Variants in SLC35D2 observed in about 807,000 individuals in gnomAD.
SLC35D2 encodes the protein nucleotide sugar transporter SLC35D2.
Under a neutral mutation model 41.8 loss-of-function variants are expected in SLC35D2, and 43 were observed. The ratio of observed to expected loss-of-function variants is 1.03; its 90% CI spans 0.81 to 1.33. SLC35D2 has a LOEUF of 1.33. Ranked by LOEUF, SLC35D2 falls within the 40% of genes most tolerant of loss-of-function variation. The probability of loss-of-function intolerance (pLI) is 0.00; values close to 1 mark genes in which losing one functional copy is unlikely to be tolerated. For synonymous variants in SLC35D2, 150 were observed against 163.9 expected (o/e 0.92, Z 0.65); for missense variants, 380 against 408.4 (o/e 0.93, Z 0.60).
At position 96,383,687 on chromosome 9, in the gene SLC35D2, C is replaced by A. The variant is rs1265075959; in HGVS notation, c.-53G>T. 4.0e-5 allele frequency: 39 copies of A among 977,330 alleles called. 1 individual carries two copies. The highest frequency in any genetic ancestry group is 1.8e-5 in the Non-Finnish European group (15 of 820,818). 60.5% of individuals were successfully genotyped at this position (977,330 alleles called of 1,614,324 possible). A position where few individuals can be genotyped will look rare whatever the true frequency, so the allele number is the denominator to read the frequency against. ...CCGCCAGCCCCGGCTGCGCACTGGT[C>A]CCGCCCGGCCGGGCCGGGGAAGAGG... is the stretch of plus-strand genomic sequence containing the variant. On this transcript the variant is annotated 5_prime_UTR_variant, in exon 1 of 12. Transcript: ENST00000253270.
At chr9:96,349,128 G>A (rs1360299110) in intron 6 of SLC35D2, among the ~76,000 whole-genome samples, 1 of 152,128 alleles carries the variant, frequency 6.6e-6, no homozygotes, top group Non-Finnish European at 1.5e-5. Flanking sequence ...TGCTGAAGAG[G>A]CTTTTCTTGG....
chr9:96,346,085 G>C (rs1214165110), intron 6 of SLC35D2, among the ~76,000 whole-genome samples: 1 of 152,172 alleles, frequency 6.6e-6, no homozygotes, highest in Non-Finnish European at 1.5e-5. Flanking sequence ...GACAGTGCTA[G>C]GCCATGTCAT....
intron 1 of SLC35D2, among the ~76,000 whole-genome samples, chr9:96,370,889 C>G (rs1233901136): frequency 6.6e-6 from 1 of 152,006 alleles, no homozygotes; most frequent in East Asian, 1.9e-4. Context: ...GCATGCAGAC[C>G]TAAGGAAACC....
chr9:96,380,164 T>G (rs188198823), intron 1 of SLC35D2, among the ~76,000 whole-genome samples: 3 of 152,304 alleles, frequency 2.0e-5, no homozygotes, highest in African/African-American at 4.8e-5. Flanking sequence ...CCCAGAGTGC[T>G]GGGAGTATAG....
rs199644467 is a variant in SLC35D2 at position 96,321,391 on chromosome 9, G to T, written c.915-50C>A. On this transcript the variant is annotated intron_variant, in intron 11 of 11. Transcript: ENST00000253270. ...ATAAATGACTGGGAATTTCACAGGG[G>T]CTCCAGCAGCAGTTGCTGGCGTTTT... 2.3e-5 allele frequency: 31 copies of T among 1,344,958 alleles called. No individual in the cohort carries two copies. In the Admixed American group the frequency reaches 5.2e-4, roughly 23 times the overall value. The allele number at this position is 1,344,958 out of a possible 1,614,324, so 83.3% of individuals were successfully genotyped here.
chr9:96,331,813 C>G (rs1391108659), intron 9 of SLC35D2, among the ~76,000 whole-genome samples: 5 of 152,196 alleles, frequency 3.3e-5, no homozygotes, highest in Admixed American at 3.3e-4. Context: ...CCTGTCAGAT[C>G]AGTGATGGCA....
chr9:96,337,364 C>T (rs1829092679), intron 8 of SLC35D2, among the ~76,000 whole-genome samples: 1 of 151,952 alleles, frequency 6.6e-6, no homozygotes, highest in African/African-American at 2.4e-5. Flanking sequence ...CAGGCACAGG[C>T]CACCATGCCT....
chr9:96,329,750 G>A (rs12686037), intron 9 of SLC35D2, among the ~76,000 whole-genome samples: 20,308 of 152,244 alleles, frequency 0.13, 1,814 homozygotes, highest in East Asian at 0.29. Flanking sequence ...CCTTTTGTGA[G>A]AGAACATTTT....
Position 96,383,450 on chromosome 9 carries a change from A to T in SLC35D2, c.158+27T>A. On this transcript the variant is annotated intron_variant, in intron 1 of 11. Coordinates refer to ENST00000253270, the MANE Select transcript of SLC35D2 (RefSeq NM_007001.3). ...CAGGGGCAGCCCCGCACTCCCGCAGACCCCCCGGCCCCGGGCCCCGCCTCA... is the reference window on the plus strand; with the variant it reads ...CAGGGGCAGCCCCGCACTCCCGCAGTCCCCCCGGCCCCGGGCCCCGCCTCA... 3.3e-6 allele frequency: 5 copies of T among 1,497,376 alleles called. 1 individual carries two copies. The South Asian group carries it at 6.1e-5, about 18-fold the overall frequency. The allele number at this position is 1,497,376 out of a possible 1,614,324, so 92.8% of individuals were successfully genotyped here. A position where few individuals can be genotyped will look rare whatever the true frequency, so the allele number is the denominator to read the frequency against.
At chr9:96,315,466 C>T (rs1828029150) in intron 11 of SLC35D2, among the ~76,000 whole-genome samples, 1 of 142,884 alleles carries the variant, frequency 7.0e-6, no homozygotes, top group Admixed American at 7.1e-5. Context: ...CGGAGTCTCG[C>T]TCTGTTGCCC....
intron 6 of SLC35D2, among the ~76,000 whole-genome samples, chr9:96,347,002 G>A (rs1829608385): frequency 6.6e-6 from 1 of 152,140 alleles, no homozygotes; most frequent in Non-Finnish European, 1.5e-5. Context: ...TGGGCGTGGT[G>A]GCACATGCCT....
chr9:96,332,939 G>A (rs567357685), intron 9 of SLC35D2, among the ~76,000 whole-genome samples: 3 of 145,656 alleles, frequency 2.1e-5, no homozygotes, highest in Admixed American at 6.9e-5. Context: ...TCGCTCTGTC[G>A]CGAGGCTGTA....
At chr9:96,351,057 C>A in intron 6 of SLC35D2, 46 bp downstream of exon 6, 1 of 1,419,404 alleles carries the variant, frequency 7.0e-7, no homozygotes, top group South Asian at 1.2e-5. Flanking sequence ...GGCCTATTGT[C>A]AAAGACACAA....
chr9:96,351,589 A>G (rs1829816712), intron 5 of SLC35D2, among the ~76,000 whole-genome samples: 1 of 152,210 alleles, frequency 6.6e-6, no homozygotes, highest in African/African-American at 2.4e-5. Context: ...TTTGGATATC[A>G]GACTAAATAT....
chr9:96,363,986 T>A (rs1830383477), intron 3 of SLC35D2, among the ~76,000 whole-genome samples: 1 of 152,198 alleles, frequency 6.6e-6, no homozygotes, highest in Non-Finnish European at 1.5e-5. Flanking sequence ...CTTACTGCAT[T>A]ACATAAATGG....
rs1831309752 is a variant in SLC35D2 at position 96,383,706 on chromosome 9, G to A, written c.-72C>T. On this transcript the variant is annotated 5_prime_UTR_variant, in exon 1 of 12. Coordinates refer to ENST00000253270, the MANE Select transcript of SLC35D2 (RefSeq NM_007001.3). ...ACTGGTCCCGCCCGGCCGGGCCGGGGAAGAGGGCGCGGCAGGAACAGGAAG... is the reference window on the plus strand; with the variant it reads ...ACTGGTCCCGCCCGGCCGGGCCGGGAAAGAGGGCGCGGCAGGAACAGGAAG... 2.2e-6 allele frequency: 2 copies of A among 914,172 alleles called. No homozygotes were observed. The highest frequency in any genetic ancestry group is 2.6e-6 in the Non-Finnish European group (2 of 763,424). The allele number at this position is 914,172 out of a possible 1,614,324, so 56.6% of individuals were successfully genotyped here. A position where few individuals can be genotyped will look rare whatever the true frequency, so the allele number is the denominator to read the frequency against.
intron 11 of SLC35D2, among the ~76,000 whole-genome samples, chr9:96,315,691 C>T (rs1036739233): frequency 2.0e-5 from 3 of 152,124 alleles, no homozygotes; most frequent in South Asian, 2.1e-4. Context: ...CCTCGGCCTC[C>T]CAAAGTGCTG....
chr9:96,314,026 G>A (rs1827994858), exon 12 of SLC35D2: 1 of 152,916 alleles, frequency 6.5e-6, no homozygotes, highest in Non-Finnish European at 1.5e-5. Flanking sequence ...AGCACTTTGG[G>A]AGGCCAAGGC....
intron 11 of SLC35D2, among the ~76,000 whole-genome samples, chr9:96,321,780 C>T (rs1378210663): frequency 2.0e-5 from 3 of 152,218 alleles, no homozygotes; most frequent in South Asian, 2.1e-4. Flanking sequence ...AGTTAAATTC[C>T]GATCCCAGCC....
Sources: allele counts gnomAD v4.1 joint callset (sites outside exome capture counted in the v4.1 genomes callset), GRCh38; gene constraint gnomAD v4.1.1; transcripts MANE v1.5; gene names NCBI Gene and HGNC (gene_info 2026-07-23, HGNC 2026-07-21).